UGT1A8: variants seen among roughly 807,000 people sequenced by gnomAD.
The protein encoded by UGT1A8 is UDP glucuronosyltransferase family 1 member A8, also known as UDP-glucuronosyltransferase 1A8.
In UGT1A8, 39 loss-of-function variants were observed where a neutral mutation model predicts 45.3. The observed-to-expected ratio is 0.86, with a 90% CI of 0.67 to 1.12. The LOEUF is 1.12. Ranked by LOEUF, UGT1A8 falls within the 50% of genes most tolerant of loss-of-function variation. UGT1A8 has a pLI of 0.00. For synonymous variants in UGT1A8, 275 were observed against 249.2 expected (o/e 1.10, Z -0.97); for missense variants, 719 against 664.9 (o/e 1.08, Z -0.90).
intron 1 of UGT1A8, chr2:233,672,293 T>G (rs1302818562): frequency 6.2e-7 from 1 of 1,613,894 alleles, no homozygotes; most frequent in Admixed American, 1.7e-5. Context: ...TTTGACTTAT[T>G]TTTTTCAAAT....
At position 233,644,610 on chromosome 2, in the gene UGT1A8, G is replaced by A. The variant is rs115577546; in HGVS notation, c.855+26048G>A. Among the ~76,000 whole-genome samples the A allele has an allele frequency of 3.1e-3, 465 of 152,084 alleles. 2 individuals carry two copies. Among genetic ancestry groups the A allele is most frequent in the Non-Finnish European group, 4.9e-3 (335 of 67,984 alleles). ...TAAATAAATAAACGCTCTCTCAGTGGGTGGGTGTCAGCTGAGTTTGGTCTG... is the reference window on the plus strand; with the variant it reads ...TAAATAAATAAACGCTCTCTCAGTGAGTGGGTGTCAGCTGAGTTTGGTCTG... On this transcript the variant is annotated intron_variant, in intron 1 of 4. Transcript: ENST00000373450.
chr2:233,765,887 T>G (rs1279202147), intron 1 of UGT1A8, among the ~76,000 whole-genome samples: 1 of 152,030 alleles, frequency 6.6e-6, no homozygotes, highest in African/African-American at 2.4e-5. Flanking sequence ...ACTTTCTCAG[T>G]GCGCCACTGC....
rs1379096490 is a variant in UGT1A8 at position 233,719,774 on chromosome 2, C to T, written c.856-47260C>T. ...TTACTTACAAGTGCTTCCATATCTA[C>T]TTATCTTTCCAAAGATTTTATTTTG... On this transcript the variant is annotated intron_variant, in intron 1 of 4. Coordinates refer to ENST00000373450, the MANE Select transcript of UGT1A8 (RefSeq NM_019076.5). 23 of 1,611,342 alleles carry T rather than the reference C, an allele frequency of 1.4e-5. No individual in the cohort carries two copies. The Admixed American group carries it at 3.8e-4, about 27-fold the overall frequency.
At chr2:233,637,202 C>T in intron 1 of UGT1A8, 1 of 1,613,920 alleles carries the variant, frequency 6.2e-7, no homozygotes, top group Non-Finnish European at 8.5e-7. Context: ...TTTAGAAATG[C>T]CCTAGAAATA....
chr2:233,640,048 G>A (rs1328283662), intron 1 of UGT1A8, among the ~76,000 whole-genome samples: 2 of 152,194 alleles, frequency 1.3e-5, no homozygotes, highest in Non-Finnish European at 2.9e-5. Context: ...CCTGGGGATA[G>A]GATGTGGTTA....
At chr2:233,746,577 T>C (rs1395681338) in intron 1 of UGT1A8, among the ~76,000 whole-genome samples, 4 of 151,762 alleles carry the variant, frequency 2.6e-5, no homozygotes, top group Non-Finnish European at 4.4e-5. Context: ...CACCCTGTAA[T>C]TGCCTAGTTG....
intron 1 of UGT1A8, among the ~76,000 whole-genome samples, chr2:233,717,553 T>C (rs3806591): frequency 0.1 from 15,445 of 152,232 alleles, 903 homozygotes; most frequent in East Asian, 0.2. Context: ...TCACCAGCAA[T>C]GGCAGACATG....
At position 233,734,360 on chromosome 2, in the gene UGT1A8, C is replaced by T. The variant is rs565800937; in HGVS notation, c.856-32674C>T. Among the ~76,000 whole-genome samples the T allele has an allele frequency of 6.9e-4, 105 of 152,192 alleles. No individual in the cohort carries two copies. In the South Asian group the frequency reaches 0.014, roughly 20 times the overall value. ...ATGGTAGTTTGTATTTCTGTGGGAT[C>T]GGTGGTGATATTGCCTTTACTATTT... is the stretch of plus-strand genomic sequence containing the variant. On this transcript the variant is annotated intron_variant, in intron 1 of 4. Coordinates refer to ENST00000373450, the MANE Select transcript of UGT1A8 (RefSeq NM_019076.5).
At chr2:233,678,521 T>G (rs1191707329) in intron 1 of UGT1A8, among the ~76,000 whole-genome samples, 5 of 152,108 alleles carry the variant, frequency 3.3e-5, no homozygotes, top group Admixed American at 1.3e-4. Context: ...TTACTGTCTG[T>G]TTTTTTCTCT....
At chr2:233,757,301 G>T (rs1209658771) in intron 1 of UGT1A8, among the ~76,000 whole-genome samples, 1 of 149,508 alleles carries the variant, frequency 6.7e-6, no homozygotes, top group Non-Finnish European at 1.5e-5. Context: ...TGGGGGTTGG[G>T]GGACAGGGGG....
chr2:233,708,091 G>A (rs778957323), intron 1 of UGT1A8, among the ~76,000 whole-genome samples: 2 of 152,112 alleles, frequency 1.3e-5, no homozygotes, highest in Non-Finnish European at 2.9e-5. Context: ...TTATTCAAAC[G>A]AATTAGAATA....
intron 1 of UGT1A8, among the ~76,000 whole-genome samples, chr2:233,658,078 G>T (rs2073894184): frequency 6.6e-6 from 1 of 151,264 alleles, no homozygotes; most frequent in African/African-American, 2.4e-5. Context: ...GAGTGCAGTG[G>T]GGCAATCTTG....
intron 1 of UGT1A8, chr2:233,693,094 G>A: frequency 6.2e-7 from 1 of 1,614,170 alleles, no homozygotes; most frequent in Non-Finnish European, 8.5e-7. Context: ...ACAAGCTGCT[G>A]GTGGTCCCTC....
rs527503361 is a variant in UGT1A8 at position 233,743,746 on chromosome 2, C to G, written c.856-23288C>G. 8 of 1,367,246 alleles carry G rather than the reference C, an allele frequency of 5.9e-6. No individual in the cohort carries two copies. The South Asian group carries it at 6.8e-5, about 12-fold the overall frequency. The allele number at this position is 1,367,246 out of a possible 1,614,324, so 84.7% of individuals were successfully genotyped here. On this transcript the variant is annotated intron_variant, in intron 1 of 4. Transcript: ENST00000373450. ...CATAGATATCGCGTTTCTTGGCGTC[C>G]GACAACACCTCGTAGGCCTCGGCCA...
Position 233,772,431 on chromosome 2 carries a change from A to G in UGT1A8, c.1465A>G (p.Ile489Val), listed in dbSNP as rs2126066962. The G allele has an allele frequency of 4.3e-6, 7 of 1,614,128 alleles. No individual in the cohort carries two copies. The East Asian group carries it at 1.6e-4, about 36-fold the overall frequency. The change falls in exon 5 of 5, where the codon ATT (isoleucine) becomes GTT (valine). Residue 489 changes from isoleucine (I) to valine (V), a missense_variant. By Grantham distance (29) the Ile-to-Val change is conservative (BLOSUM62 3). Coordinates refer to ENST00000373450, the MANE Select transcript of UGT1A8 (RefSeq NM_019076.5). ...TWYQYHSLDV[I>V]GFLLAVVLTV... ...GTACCAGTACCATTCCTTGGACGTG[A>G]TTGGTTTCCTCTTGGCCGTCGTGCT...
chr2:233,627,342 A>C (rs2073102195), intron 1 of UGT1A8, among the ~76,000 whole-genome samples: 1 of 151,928 alleles, frequency 6.6e-6, no homozygotes, highest in Non-Finnish European at 1.5e-5. Context: ...TTTAAAGCTG[A>C]ACCCCTTTCT....
chr2:233,668,785 T>C (rs754614429), intron 1 of UGT1A8, among the ~76,000 whole-genome samples: 1 of 152,370 alleles, frequency 6.6e-6, no homozygotes, highest in Non-Finnish European at 1.5e-5. Flanking sequence ...ATGTTTTCTT[T>C]AGATGTCATT....
At chr2:233,667,615 A>G (rs971223601) in intron 1 of UGT1A8, among the ~76,000 whole-genome samples, 5 of 152,178 alleles carry the variant, frequency 3.3e-5, no homozygotes, top group Non-Finnish European at 7.4e-5. Context: ...ATGGGAGAAA[A>G]TTTTGGAATC....
At chr2:233,725,317 C>CAGAG (rs1559370683) in intron 1 of UGT1A8, among the ~76,000 whole-genome samples, 1 of 37,458 alleles carries the variant, frequency 2.7e-5, no homozygotes. Context: ...GAGGCAGAGG[C>CAGAG]GCCTGGTCAA....
Sources: allele counts gnomAD v4.1 joint callset (sites outside exome capture counted in the v4.1 genomes callset), GRCh38; gene constraint gnomAD v4.1.1; transcripts MANE v1.5; gene names NCBI Gene and HGNC (gene_info 2026-07-23, HGNC 2026-07-21).